Variants in EFL1 observed in about 807,000 individuals in gnomAD.
EFL1 encodes elongation factor like GTPase 1.
In EFL1, 76 loss-of-function variants were observed where a neutral mutation model predicts 126.7. The ratio of observed to expected loss-of-function variants is 0.60; its 90% CI spans 0.50 to 0.73. The LOEUF is 0.73. Ranked by LOEUF, EFL1 falls within the 30% of genes least tolerant of loss-of-function variation. The pLI, the probability that EFL1 is intolerant of heterozygous loss-of-function variation, is 0.00. For synonymous variants in EFL1, 410 were observed against 448.4 expected (o/e 0.91, Z 1.08); for missense variants, 1,128 against 1,343.2 (o/e 0.84, Z 2.50).
intron 15 of EFL1, among the ~76,000 whole-genome samples, chr15:82,186,725 G>A (rs1251442472): frequency 1.3e-5 from 2 of 152,160 alleles, no homozygotes; most frequent in African/African-American, 4.8e-5. Context: ...TTCCAGACCT[G>A]AGTGTTCTAT....
intron 19 of EFL1, among the ~76,000 whole-genome samples, chr15:82,135,655 G>C (rs2073712913): frequency 6.6e-6 from 1 of 152,132 alleles, no homozygotes. Context: ...ACAGACAATA[G>C]GCCATAGATC....
At chr15:82,219,309 T>C (rs1269178763) in intron 14 of EFL1, among the ~76,000 whole-genome samples, 1 of 152,178 alleles carries the variant, frequency 6.6e-6, no homozygotes, top group African/African-American at 2.4e-5. Flanking sequence ...TTTTGGATCT[T>C]CCTATTTCTC....
intron 18 of EFL1, among the ~76,000 whole-genome samples, chr15:82,141,581 T>TTGGAGGAGAAC (rs2073787423): frequency 6.7e-6 from 1 of 150,202 alleles, no homozygotes; most frequent in African/African-American, 2.5e-5. Flanking sequence ...GGCAGGAGAA[T>TTGGAGGAGAAC]CGCTTGGAGG....
chr15:82,236,165 A>T (rs1247288993), intron 7 of EFL1, among the ~76,000 whole-genome samples: 1 of 152,192 alleles, frequency 6.6e-6, no homozygotes, highest in Non-Finnish European at 1.5e-5. Context: ...AAGAATTTTT[A>T]AAAATTTTAA....
Position 82,225,154 on chromosome 15 carries a change from C to G in EFL1, c.1292+11G>C, listed in dbSNP as rs1323317226. On this transcript the variant is annotated intron_variant, in intron 12 of 19. Transcript: ENST00000268206. Reference sequence around the variant, plus strand: ...ATTCCTAGCCCAGCCCAACTTTCCCCTTTCCCTTACCTTGGCTTATTCTGA... The same window carrying G: ...ATTCCTAGCCCAGCCCAACTTTCCCGTTTCCCTTACCTTGGCTTATTCTGA... 1.9e-6 allele frequency: 3 copies of G among 1,596,596 alleles called. No homozygotes were observed. The highest frequency in any genetic ancestry group is 2.7e-5 in the African/African-American group (2 of 73,902).
At chr15:82,261,112 C>T (rs942779741) in intron 2 of EFL1, among the ~76,000 whole-genome samples, 3 of 152,112 alleles carry the variant, frequency 2.0e-5, no homozygotes, top group African/African-American at 4.8e-5. Context: ...TCATCTTGAG[C>T]CCCCTTCAAG....
At chr15:82,259,345 A>T (rs2075093212) in intron 2 of EFL1, among the ~76,000 whole-genome samples, 190 bp from the exon 3 acceptor site, 1 of 152,170 alleles carries the variant, frequency 6.6e-6, no homozygotes, top group African/African-American at 2.4e-5. Context: ...AGAGGCTAGC[A>T]CTCTATAATG....
chr15:82,212,790 A>G (rs2074603785), intron 15 of EFL1, among the ~76,000 whole-genome samples: 1 of 152,244 alleles, frequency 6.6e-6, no homozygotes, highest in Non-Finnish European at 1.5e-5. Context: ...ACTCAATCCC[A>G]GGGCTCCCTG....
intron 4 of EFL1, among the ~76,000 whole-genome samples, chr15:82,252,138 A>AT (rs1427832371): frequency 6.6e-6 from 1 of 152,230 alleles, no homozygotes; most frequent in African/African-American, 2.4e-5. Context: ...CTGCTTGGAT[A>AT]TATCAGTTTA....
At chr15:82,132,737 A>G (rs1445835641) in intron 19 of EFL1, among the ~76,000 whole-genome samples, 3 of 141,260 alleles carry the variant, frequency 2.1e-5, no homozygotes, top group East Asian at 4.2e-4. Context: ...TGGAATTTAG[A>G]CGAGAAACGG....
At chr15:82,249,158 C>T (rs117443990) in intron 4 of EFL1, among the ~76,000 whole-genome samples, 3,467 of 151,986 alleles carry the variant, frequency 0.023, 83 homozygotes, top group Middle Eastern at 0.054. Flanking sequence ...TAAATATAAA[C>T]TTGGGCCAGG....
At chr15:82,169,654 T>G (rs1219728810) in intron 15 of EFL1, among the ~76,000 whole-genome samples, 2 of 152,162 alleles carry the variant, frequency 1.3e-5, no homozygotes, top group African/African-American at 4.8e-5. Flanking sequence ...CAGACTATAG[T>G]TTCTCTTTTC....
rs147170883 is a variant in EFL1 at position 82,251,145 on chromosome 15, G to C, written c.244+1546C>G. On this transcript the variant is annotated intron_variant, in intron 4 of 19. Coordinates refer to ENST00000268206, the MANE Select transcript of EFL1 (RefSeq NM_024580.6). ...GAGAATCGCTGGAATCCGGGAGGCA[G>C]AGGCTGCAGTGAGCTGAGATCATGC... 6.6e-3 allele frequency among the ~76,000 whole-genome samples: 1,012 copies of C among 152,268 alleles called. 10 individuals carry two copies. The highest frequency in any genetic ancestry group is 0.023 in the African/African-American group (947 of 41,540).
chr15:82,244,817 A>T (rs2141330928), intron 4 of EFL1, among the ~76,000 whole-genome samples: 1 of 152,308 alleles, frequency 6.6e-6, no homozygotes, highest in South Asian at 2.1e-4. Flanking sequence ...ACTTCATGTA[A>T]GGAGTTTAGT....
intron 15 of EFL1, among the ~76,000 whole-genome samples, chr15:82,170,561 G>A (rs1353170117): frequency 6.6e-6 from 1 of 152,174 alleles, no homozygotes; most frequent in Non-Finnish European, 1.5e-5. Flanking sequence ...GGAATCCAAG[G>A]AACTTGAATG....
intron 15 of EFL1, among the ~76,000 whole-genome samples, chr15:82,205,853 A>G (rs1272732237): frequency 1.3e-5 from 2 of 152,252 alleles, no homozygotes; most frequent in African/African-American, 4.8e-5. Context: ...GTATTAATCT[A>G]TGTGTTCAAA....
chr15:82,214,279 AC>A (rs779627257), intron 15 of EFL1, among the ~76,000 whole-genome samples: 3 of 152,268 alleles, frequency 2.0e-5, no homozygotes, highest in African/African-American at 4.8e-5. Flanking sequence ...ACGACGATCA[AC>A]TAATCTTAGC....
chr15:82,253,429 A>G (rs1287765007), intron 3 of EFL1, among the ~76,000 whole-genome samples: 3 of 138,908 alleles, frequency 2.2e-5, no homozygotes. Flanking sequence ...GAAAAACATA[A>G]CCACTAGGAA....
chr15:82,165,852 G>C (rs2074074373), intron 15 of EFL1, among the ~76,000 whole-genome samples: 1 of 152,120 alleles, frequency 6.6e-6, no homozygotes. Flanking sequence ...TGTGTGCATG[G>C]GATCCTCTTC....
Sources: gnomAD v4.1 joint callset for allele counts (sites outside exome capture counted in the v4.1 genomes callset) on GRCh38, gnomAD v4.1.1 for gene constraint, MANE v1.5 for transcripts, NCBI Gene and HGNC (gene_info 2026-07-23, HGNC 2026-07-21) for gene names.